LEF1: variants seen among roughly 807,000 people sequenced by gnomAD.
LEF1 encodes lymphoid enhancer binding factor 1, also known as lymphoid enhancer-binding factor 1.
A neutral mutation model predicts 51.2 loss-of-function variants in LEF1; 14 were observed. The ratio of observed to expected loss-of-function variants is 0.27; its 90% CI spans 0.18 to 0.43. The LOEUF is 0.43. Among genes scored for constraint, LEF1 ranks in the 20% least tolerant of loss-of-function variants. The pLI, the probability that LEF1 is intolerant of heterozygous loss-of-function variation, is 1.00. For missense variants in LEF1, 386 were observed against 512.0 expected (o/e 0.75, Z 2.37); for synonymous variants, 185 against 183.2 (o/e 1.01, Z -0.08).
Position 108,064,328 on chromosome 4 carries a change from G to T in LEF1, c.1165+8C>A, listed in dbSNP as rs1373189469. 6.2e-7 allele frequency: 1 copy of T among 1,607,694 alleles called. No individual in the cohort carries two copies. The highest frequency in any genetic ancestry group is 1.7e-5 in the Admixed American group (1 of 59,994). On this transcript the variant is annotated splice_region_variant and intron_variant, in intron 10 of 11. Transcript: ENST00000265165. ...TGAGGATTGACTGGAAAGTCTCATG[G>T]TGCCTACCTGATGCAGATTCCTGTA...
At chr4:108,049,607 G>A (rs1220812296) in intron 11 of LEF1, among the ~76,000 whole-genome samples, 1 of 152,222 alleles carries the variant, frequency 6.6e-6, no homozygotes. Context: ...CTTTCCTTTG[G>A]TGGCAGCGAT....
chr4:108,167,768 C>A lies in LEF1; in HGVS notation c.-1G>T, dbSNP rs779680269. 1 of 1,611,482 alleles carries A rather than the reference C, an allele frequency of 6.2e-7. No homozygotes were observed. Among genetic ancestry groups the A allele is most frequent in the Non-Finnish European group, 8.5e-7 (1 of 1,179,742 alleles). On this transcript the variant is annotated 5_prime_UTR_variant, in exon 1 of 12. Coordinates refer to ENST00000265165, the MANE Select transcript of LEF1 (RefSeq NM_016269.5). The surrounding 1 kb of genome is among the most constrained non-coding windows in gnomAD (Gnocchi z 5.7). ...CACCTCCTCCGGAGAGTTGGGGCAT[C>A]CCGGCGGCTCTGTAATCTCCGCTCC...
intron 2 of LEF1, 105 bp downstream of exon 2, chr4:108,164,992 G>T: frequency 1.1e-6 from 1 of 897,020 alleles, no homozygotes; most frequent in South Asian, 1.4e-5. Flanking sequence ...GGCATAGTCT[G>T]ACCTAGTCCC....
At chr4:108,084,352 C>A (rs1739504907) in intron 4 of LEF1, among the ~76,000 whole-genome samples, 1 of 152,232 alleles carries the variant, frequency 6.6e-6, no homozygotes, top group East Asian at 1.9e-4. Context: ...AGACCACTTC[C>A]ATATACAAGC....
At chr4:108,080,676 T>C (rs531743573) in intron 6 of LEF1, among the ~76,000 whole-genome samples, 1 of 152,304 alleles carries the variant, frequency 6.6e-6, no homozygotes, top group Admixed American at 6.5e-5. Flanking sequence ...AAAATATGTT[T>C]TAAGGGGAAG....
chr4:108,093,878 T>C (rs1024995558), intron 3 of LEF1, among the ~76,000 whole-genome samples: 1 of 152,150 alleles, frequency 6.6e-6, no homozygotes, highest in Non-Finnish European at 1.5e-5. Flanking sequence ...ACATAATACA[T>C]AGTAATTACA....
At chr4:108,097,399 C>CA (rs1348990866) in intron 3 of LEF1, among the ~76,000 whole-genome samples, 1 of 152,168 alleles carries the variant, frequency 6.6e-6, no homozygotes, top group Non-Finnish European at 1.5e-5. Context: ...CAGTTGAACT[C>CA]ACGGAGATAC....
chr4:108,085,218 A>G (rs1217221762), intron 4 of LEF1, among the ~76,000 whole-genome samples: 1 of 152,172 alleles, frequency 6.6e-6, no homozygotes, highest in Non-Finnish European at 1.5e-5. Flanking sequence ...CCTCCTGAGT[A>G]GCCAGGTATA....
In LEF1 at chr4:108,091,597, G is replaced by C. The variant is rs1304412211; in HGVS notation, c.415-2340C>G. Among the ~76,000 whole-genome samples, 3 of 151,006 alleles carry C rather than the reference G, an allele frequency of 2.0e-5. No individual in the cohort carries two copies. In the Admixed American group the frequency reaches 2.0e-4, roughly 10 times the overall value. The stretch of plus-strand genomic sequence containing the variant: ...TAGCTTTTTTGGCGTATATTAAATA[G>C]AGTGCCATTATCATAGCCACACAAT... On this transcript the variant is annotated intron_variant, in intron 3 of 11. Coordinates refer to ENST00000265165, the MANE Select transcript of LEF1 (RefSeq NM_016269.5).
rs753719448 is a variant in LEF1 at position 108,079,512 on chromosome 4, A to C, written c.825T>G (p.Thr275=). 1 of 1,614,098 alleles carries C rather than the reference A, an allele frequency of 6.2e-7. No individual in the cohort carries two copies. The highest frequency in any genetic ancestry group is 2.2e-5 in the East Asian group (1 of 44,862). ...TPQVKQEHPH[T]DSDLMHVKPQ... is the part of the protein sequence containing the mutation. ...CTTACACGTGCATTAGGTCACTGTC[A>C]GTGTGGGGATGTTCCTGTTTGACCT... The change falls in exon 7 of 12, where the codon ACT becomes ACG. Residue 275 remains threonine (T), a synonymous_variant. Transcript: ENST00000265165.
intron 9 of LEF1, among the ~76,000 whole-genome samples, chr4:108,069,322 T>C (rs1030799052): frequency 6.6e-6 from 1 of 152,172 alleles, no homozygotes; most frequent in Non-Finnish European, 1.5e-5. Flanking sequence ...CTGCAAAATA[T>C]TAAATTAACT....
At chr4:108,057,710 A>T (rs1434959472) in intron 11 of LEF1, among the ~76,000 whole-genome samples, 1 of 152,106 alleles carries the variant, frequency 6.6e-6, no homozygotes, top group Admixed American at 6.5e-5. Flanking sequence ...CATCAAAGAA[A>T]AGCCAGAAAC....
chr4:108,154,426 G>A lies in LEF1; in HGVS notation c.414+9142C>T, dbSNP rs1744554803. Reference sequence around the variant, plus strand: ...CCCTGTAAGGTGCCTCGCACAGTATGTAGCACAAGGTAGTAGCAAAAAAAA... The same window carrying A: ...CCCTGTAAGGTGCCTCGCACAGTATATAGCACAAGGTAGTAGCAAAAAAAA... On this transcript the variant is annotated intron_variant, in intron 3 of 11. Coordinates refer to ENST00000265165, the MANE Select transcript of LEF1 (RefSeq NM_016269.5). Among the ~76,000 whole-genome samples the A allele has an allele frequency of 5.1e-5, 5 of 98,518 alleles. No individual in the cohort carries two copies. The South Asian group carries it at 1.2e-3, about 24-fold the overall frequency. The allele number at this position is 98,518 out of a possible 152,430, so 64.6% of individuals were successfully genotyped here.
rs570420174 is a variant in LEF1, at chr4:108,141,335, T to A, written c.414+22233A>T. Among the ~76,000 whole-genome samples the A allele has an allele frequency of 7.9e-5, 12 of 152,332 alleles. No homozygotes were observed. The South Asian group carries it at 1.4e-3, about 18-fold the overall frequency. On this transcript the variant is annotated intron_variant, in intron 3 of 11. Coordinates refer to ENST00000265165, the MANE Select transcript of LEF1 (RefSeq NM_016269.5). ...CATTATCTCCCAATTGTAACCTCATTTTCTGCTCTGCTGGACAGCGTGACC... is the reference window on the plus strand; with the variant it reads ...CATTATCTCCCAATTGTAACCTCATATTCTGCTCTGCTGGACAGCGTGACC...
intron 3 of LEF1, among the ~76,000 whole-genome samples, chr4:108,115,473 T>TA (rs761395791): frequency 1.5e-4 from 23 of 152,324 alleles, no homozygotes; most frequent in South Asian, 6.2e-4. Flanking sequence ...AGTGTGCTAA[T>TA]AACCCAAGAA....
intron 11 of LEF1, among the ~76,000 whole-genome samples, chr4:108,062,355 C>T (rs891306315): frequency 2.0e-5 from 3 of 152,214 alleles, no homozygotes; most frequent in African/African-American, 7.2e-5. Context: ...ATCCAGTCCT[C>T]TGTAGAGGAA....
intron 3 of LEF1, among the ~76,000 whole-genome samples, chr4:108,129,237 C>T (rs1457413599): frequency 2.0e-5 from 3 of 152,170 alleles, no homozygotes; most frequent in Non-Finnish European, 4.4e-5. Flanking sequence ...GTCAACTCCA[C>T]ATTGTTTCTA....
intron 3 of LEF1, among the ~76,000 whole-genome samples, chr4:108,100,355 T>G (rs2110293060): frequency 6.6e-6 from 1 of 152,228 alleles, no homozygotes; most frequent in Non-Finnish European, 1.5e-5. Flanking sequence ...TATTAATAAA[T>G]TATAAAAAGG....
chr4:108,121,519 A>C (rs1247215135), intron 3 of LEF1, among the ~76,000 whole-genome samples: 1 of 152,206 alleles, frequency 6.6e-6, no homozygotes, highest in Non-Finnish European at 1.5e-5. Flanking sequence ...TGCACAAGCC[A>C]ATTACACCTC....
Sources: allele counts gnomAD v4.1 joint callset (sites outside exome capture counted in the v4.1 genomes callset), GRCh38; gene constraint gnomAD v4.1.1; non-coding constraint Gnocchi (gnomAD v3.1); transcripts MANE v1.5; gene names NCBI Gene and HGNC (gene_info 2026-07-23, HGNC 2026-07-21).